KIF3B: variants seen among roughly 807,000 people sequenced by gnomAD.
KIF3B encodes the protein kinesin-like protein KIF3B.
A neutral mutation model predicts 74.3 loss-of-function variants in KIF3B; 38 were observed. The observed-to-expected ratio is 0.51, with a 90% CI of 0.39 to 0.67. KIF3B has a LOEUF of 0.67. Among genes scored for constraint, KIF3B ranks in the 30% least tolerant of loss-of-function variants. The pLI is 0.00. For missense variants in KIF3B, 649 were observed against 932.0 expected, an observed-to-expected ratio of 0.70 and a Z score of 3.95; for synonymous variants, 326 against 342.5, an observed-to-expected ratio of 0.95 and a Z score of 0.53.
chr20:32,298,107 CAA>C (rs140338606), intron 1 of KIF3B, among the ~76,000 whole-genome samples: 5 of 105,320 alleles, frequency 4.7e-5, no homozygotes, highest in African/African-American at 1.1e-4. Context: ...AACTCCGTCT[CAA>C]AAAAAAAAAA....
Position 32,321,428 on chromosome 20 carries a change from CA to C in KIF3B, c.1748+4568del, listed in dbSNP as rs566740586. On this transcript the variant is annotated intron_variant, in intron 5 of 8. Coordinates refer to ENST00000375712, the MANE Select transcript of KIF3B (RefSeq NM_004798.4). ...TGGGCAACAGAGCAAGACTCTGTCT[CA>C]AAAAAAAAAAAAAGAAAGTCAGTTG... Among the ~76,000 whole-genome samples, 399 of 125,588 alleles carry C rather than the reference CA, an allele frequency of 3.2e-3. 2 individuals are homozygous for C. The highest frequency in any genetic ancestry group is 0.015 in the East Asian group (63 of 4,332). The allele number at this position is 125,588 out of a possible 152,430, so 82.4% of individuals were successfully genotyped here.
intron 5 of KIF3B, among the ~76,000 whole-genome samples, chr20:32,318,306 A>AC (rs915513337): frequency 6.6e-6 from 1 of 151,758 alleles, no homozygotes; most frequent in Non-Finnish European, 1.5e-5. Context: ...TTGTCTCAAA[A>AC]AAAAAAAAAT....
At chr20:32,294,988 C>T (rs566769420) in intron 1 of KIF3B, among the ~76,000 whole-genome samples, 1 of 152,312 alleles carries the variant, frequency 6.6e-6, no homozygotes, top group South Asian at 2.1e-4. Context: ...TAACCACTCC[C>T]TTATTGATGA....
At chr20:32,295,112 G>T (rs1470605162) in intron 1 of KIF3B, among the ~76,000 whole-genome samples, 1 of 152,134 alleles carries the variant, frequency 6.6e-6, no homozygotes, top group Admixed American at 6.6e-5. Flanking sequence ...AAATGGAATT[G>T]CTGTTTCAAG....
intron 5 of KIF3B, among the ~76,000 whole-genome samples, chr20:32,325,418 G>A (rs2122715162): frequency 6.6e-6 from 1 of 152,176 alleles, no homozygotes; most frequent in East Asian, 1.9e-4. Context: ...TCGAACTCCT[G>A]ACCTCAGGTG....
chr20:32,326,796 C>T lies in KIF3B; in HGVS notation c.1774C>T (p.Pro592Ser). 6.6e-7 allele frequency: 1 copy of T among 1,521,876 alleles called. No homozygotes were observed. Among genetic ancestry groups the T allele is most frequent in the Non-Finnish European group, 9.1e-7 (1 of 1,103,028 alleles). 94.3% of individuals were successfully genotyped at this position (1,521,876 alleles called of 1,614,324 possible). A position where few individuals can be genotyped will look rare whatever the true frequency, so the allele number is the denominator to read the frequency against. ...GCATCTTATTATAGAAAACTTTATCCCTCTGGAAGAAAAAAGTAAAATTAT... is the reference window on the plus strand; with the variant it reads ...GCATCTTATTATAGAAAACTTTATCTCTCTGGAAGAAAAAAGTAAAATTAT... ...LKHLIIENFI[P>S]LEEKSKIMNR... Residue 592 changes from proline to serine, a missense_variant, in exon 6 of 9, where the codon CCT becomes TCT. Pro to Ser is a moderately conservative substitution (Grantham distance 74). This residue lies in a region of KIF3B where 186 missense variants were observed against 198.5 expected (regional missense o/e 0.94). Transcript: ENST00000375712.
chr20:32,327,503 T>C, intron 6 of KIF3B, 53 bp from the exon 7 acceptor site: 1 of 1,455,078 alleles, frequency 6.9e-7, no homozygotes, highest in Non-Finnish European at 9.6e-7. Flanking sequence ...GTCTTCCGAG[T>C]GCTGGTTCCA....
At chr20:32,313,831 C>T (rs1452511611) in intron 2 of KIF3B, among the ~76,000 whole-genome samples, 4 of 152,122 alleles carry the variant, frequency 2.6e-5, no homozygotes, top group African/African-American at 9.7e-5. Flanking sequence ...CCTCAGCCTT[C>T]GAGTATCTGG....
intron 1 of KIF3B, among the ~76,000 whole-genome samples, chr20:32,293,820 C>T (rs994622698): frequency 3.3e-5 from 5 of 152,014 alleles, no homozygotes; most frequent in Admixed American, 3.3e-4. Flanking sequence ...GCTTGAATTG[C>T]GTTAATCTTT....
chr20:32,292,530 GTGT>G (rs1282462431), intron 1 of KIF3B, among the ~76,000 whole-genome samples: 8 of 147,500 alleles, frequency 5.4e-5, no homozygotes, highest in Non-Finnish European at 1.2e-4. Context: ...TTGAGGTCAG[GTGT>G]TTGAGACCAG....
intron 1 of KIF3B, among the ~76,000 whole-genome samples, chr20:32,304,483 A>G (rs761948933): frequency 3.3e-5 from 5 of 152,226 alleles, no homozygotes; most frequent in Non-Finnish European, 7.3e-5. Flanking sequence ...TTTCCCACAC[A>G]TGAATGATTG....
At chr20:32,311,274 A>T (rs2047799420) in intron 2 of KIF3B, 93 bp downstream of exon 2, 3 of 1,329,902 alleles carry the variant, frequency 2.3e-6, no homozygotes, top group Middle Eastern at 2.7e-4. Context: ...ATGAGGGATG[A>T]TGTCTCTCAT....
Position 32,332,619 on chromosome 20 carries a change from A to G in KIF3B, c.*1300A>G, listed in dbSNP as rs1466464892. 1.3e-5 allele frequency: 2 copies of G among 152,214 alleles called. No homozygotes were observed. Among genetic ancestry groups the G allele is most frequent in the African/African-American group, 2.4e-5 (1 of 41,454 alleles). 9.4% of individuals were successfully genotyped at this position (152,214 alleles called of 1,614,324 possible). Reference sequence around the variant, plus strand: ...TTCAGAGCTTCATTTTATGTTGGTCATTAGGTGAATATTACTCATTTTCCC... The same window carrying G: ...TTCAGAGCTTCATTTTATGTTGGTCGTTAGGTGAATATTACTCATTTTCCC... On this transcript the variant is annotated 3_prime_UTR_variant, in exon 9 of 9. Transcript: ENST00000375712.
At chr20:32,323,805 A>G (rs1424090069) in intron 5 of KIF3B, among the ~76,000 whole-genome samples, 1 of 151,894 alleles carries the variant, frequency 6.6e-6, no homozygotes, top group African/African-American at 2.4e-5. Flanking sequence ...TTGAACCTGG[A>G]AGGCGGAGGT....
At chr20:32,325,647 C>G (rs1600439200) in intron 5 of KIF3B, among the ~76,000 whole-genome samples, 1 of 114,460 alleles carries the variant, frequency 8.7e-6, no homozygotes, top group African/African-American at 3.1e-5. Context: ...TTATCTCTCT[C>G]TCTCTCTCTT....
At chr20:32,322,945 C>G (rs1224423746) in intron 5 of KIF3B, among the ~76,000 whole-genome samples, 1 of 27,954 alleles carries the variant, frequency 3.6e-5, no homozygotes, top group African/African-American at 2.0e-4. Context: ...TATATATATA[C>G]ATATTTATAT....
chr20:32,300,839 TTTG>T (rs145346172), intron 1 of KIF3B, among the ~76,000 whole-genome samples: 5,026 of 150,776 alleles, frequency 0.033, 273 homozygotes, highest in African/African-American at 0.11. Context: ...TGCTGAGGAT[TTTG>T]TTGTTGTTGT....
intron 1 of KIF3B, among the ~76,000 whole-genome samples, chr20:32,290,827 T>C (rs1200034867): frequency 6.6e-6 from 1 of 150,542 alleles, no homozygotes; most frequent in Non-Finnish European, 1.5e-5. Context: ...TGCAGTGAGC[T>C]GTGATTGCAC....
intron 1 of KIF3B, among the ~76,000 whole-genome samples, chr20:32,299,893 A>G (rs930823733): frequency 6.6e-6 from 1 of 151,856 alleles, no homozygotes; most frequent in African/African-American, 2.4e-5. Flanking sequence ...GGCTTAAGCA[A>G]TCCTCCTGCC....
Sources: gnomAD v4.1 joint callset for allele counts (sites outside exome capture counted in the v4.1 genomes callset) on GRCh38, gnomAD v4.1.1 for gene constraint, gnomAD v4.1.1 regional missense constraint, MANE v1.5 for transcripts, NCBI Gene and HGNC (gene_info 2026-07-23, HGNC 2026-07-21) for gene names.